The following AASDH variants were observed in gnomAD, a reference collection of about 807,000 sequenced individuals.
AASDH encodes beta-alanine-activating enzyme.
AASDH carries 81 observed loss-of-function variants against 102.3 expected under a neutral mutation model. That is an observed-to-expected ratio of 0.79 (90% CI 0.66 to 0.95). AASDH has a LOEUF of 0.95. Ranked by LOEUF, AASDH falls within the 40% of genes least tolerant of loss-of-function variation. The pLI is 0.00. For synonymous variants in AASDH, 398 were observed against 454.0 expected (o/e 0.88, Z 1.57); for missense variants, 1,203 against 1,266.2 (o/e 0.95, Z 0.76).
At position 56,378,445 on chromosome 4, in the gene AASDH, T is replaced by C; in HGVS notation, c.371A>G (p.Glu124Gly). 6.3e-7 allele frequency: 1 copy of C among 1,597,110 alleles called. No individual in the cohort carries two copies. The highest frequency in any genetic ancestry group is 8.5e-7 in the Non-Finnish European group (1 of 1,174,242). ...KQINKFKSFHETLLNYDTFTV... is the reference protein window; with the variant it reads ...KQINKFKSFHGTLLNYDTFTV... ...AAATGTATCATAGTTCAATAATGTTTCATGAAAAGATTTAAATTTCTGTGT... is the reference window on the plus strand; with the variant it reads ...AAATGTATCATAGTTCAATAATGTTCCATGAAAAGATTTAAATTTCTGTGT... Residue 124 changes from glutamate to glycine, a missense_variant, in exon 4 of 15, where the codon GAA (glutamate) becomes GGA (glycine). By Grantham distance (98) the Glu-to-Gly change is moderately conservative. Transcript: ENST00000205214.
rs142287894 is a variant in AASDH, at chr4:56,378,283, T to C, written c.533A>G (p.Glu178Gly). Reference sequence around the variant, plus strand: ...CAGATCCATGTGTTCTTCTGCTTTTTCTTCATTGACATGCTCAGAACTTAT... The same window carrying C: ...CAGATCCATGTGTTCTTCTGCTTTTCCTTCATTGACATGCTCAGAACTTAT... ...KSISSEHVNE[E>G]KAEEHMDLRL... is the part of the protein sequence containing the mutation. Residue 178 changes from glutamate to glycine, a missense_variant, in exon 4 of 15, where the codon GAA becomes GGA. Glu to Gly is a moderately conservative substitution (Grantham distance 98). Transcript: ENST00000205214. The C allele has an allele frequency of 3.5e-4, 560 of 1,614,240 alleles. 3 individuals are homozygous for C. The African/African-American group carries it at 6.0e-3, about 17-fold the overall frequency.
At chr4:56,341,894 T>C (rs1243545201) in intron 14 of AASDH, among the ~76,000 whole-genome samples, 2 of 151,494 alleles carry the variant, frequency 1.3e-5, no homozygotes, top group Admixed American at 6.6e-5. Flanking sequence ...GGTGGATCAC[T>C]TGAGGTCAGG....
chr4:56,363,058 G>A (rs193264887), intron 5 of AASDH, among the ~76,000 whole-genome samples: 412 of 152,302 alleles, frequency 2.7e-3, no homozygotes, highest in Non-Finnish European at 4.3e-3. Flanking sequence ...CTTAACAAAC[G>A]GCACACCAGG....
intron 13 of AASDH, 91 bp from the exon 14 acceptor site, chr4:56,343,057 A>G: frequency 7.9e-7 from 1 of 1,270,178 alleles, no homozygotes; most frequent in Non-Finnish European, 1.0e-6. Flanking sequence ...TCCTAGGGTT[A>G]GAACTAAAAT....
chr4:56,356,504 CA>C, intron 5 of AASDH: 1 of 1,196,812 alleles, frequency 8.4e-7, no homozygotes, highest in East Asian at 2.4e-5. Context: ...AAGCTGCTGG[CA>C]AAGGGGATGT....
At position 56,355,303 on chromosome 4, in the gene AASDH, G is replaced by A. The variant is rs781711791; in HGVS notation, c.982C>T (p.Leu328Phe). ...TTGCCTTCTCCTCTCCAGCTTCTGAGAACTGTCAATGATGGAAACGCTTCA... is the reference window on the plus strand; with the variant it reads ...TTGCCTTCTCCTCTCCAGCTTCTGAAAACTGTCAATGATGGAAACGCTTCA... ...GGEAFPSLTV[L>F]RSWRGEGNKT... The change falls in exon 6 of 15, where the codon CTC becomes TTC. Residue 328 changes from leucine (L) to phenylalanine (F), a missense_variant. Leu to Phe is a conservative substitution (Grantham distance 22, BLOSUM62 0). Coordinates refer to ENST00000205214, the MANE Select transcript of AASDH (RefSeq NM_181806.4). 1.1e-5 allele frequency: 17 copies of A among 1,614,004 alleles called. No homozygotes were observed. Among genetic ancestry groups the A allele is most frequent in the Non-Finnish European group, 1.4e-5 (17 of 1,180,024 alleles).
rs1360057021 is a variant in AASDH at position 56,382,600 on chromosome 4, A to G, written c.231-3T>C. 10 of 1,606,548 alleles carry G rather than the reference A, an allele frequency of 6.2e-6. No individual in the cohort carries two copies. Among genetic ancestry groups the G allele is most frequent in the Middle Eastern group, 1.7e-4 (1 of 6,042 alleles). On this transcript the variant is annotated splice_region_variant and splice_polypyrimidine_tract_variant and intron_variant, in intron 2 of 14. Coordinates refer to ENST00000205214, the MANE Select transcript of AASDH (RefSeq NM_181806.4). ...AAGCAGCCGGGACTTGGAGAATTCT[A>G]AAGAAAAAAGTACACAGTCAGCATA...
At chr4:56,368,037 C>A (rs1174208342) in intron 5 of AASDH, among the ~76,000 whole-genome samples, 2 of 152,134 alleles carry the variant, frequency 1.3e-5, no homozygotes, top group African/African-American at 2.4e-5. Context: ...AAACAAAAAA[C>A]CCCATCAACA....
intron 3 of AASDH, among the ~76,000 whole-genome samples, chr4:56,381,090 G>C (rs1381206707): frequency 6.6e-6 from 1 of 152,136 alleles, no homozygotes; most frequent in Non-Finnish European, 1.5e-5. Flanking sequence ...TGGTCATAAA[G>C]AATACCTTGA....
In AASDH at chr4:56,349,382, T is replaced by C. The variant is rs988313841; in HGVS notation, c.2369A>G (p.His790Arg). 5.0e-6 allele frequency: 8 copies of C among 1,614,160 alleles called. No individual in the cohort carries two copies. The highest frequency in any genetic ancestry group is 6.8e-6 in the Non-Finnish European group (8 of 1,180,006). Residue 790 changes from histidine (H) to arginine (R), a missense_variant, in exon 11 of 15, where the codon CAT (histidine) becomes CGT (arginine). Coordinates refer to ENST00000205214, the MANE Select transcript of AASDH (RefSeq NM_181806.4). ...KSSTTVYIGS[H>R]SHRMKAVDFY... ...GTCAACTGCCTTCATTCTATGAGAA[T>C]GGGAACCAATGTACACAGTTGTAGA...
In AASDH at chr4:56,384,290, GA is replaced by G. The variant is rs1753303614; in HGVS notation, c.9del (p.Gln4ArgfsTer15). 1.9e-6 allele frequency: 3 copies of G among 1,613,922 alleles called. No homozygotes were observed. The highest frequency in any genetic ancestry group is 2.5e-6 in the Non-Finnish European group (3 of 1,179,914). On this transcript the variant is annotated frameshift_variant, in exon 2 of 15. Transcript: ENST00000205214. LOFTEE classifies it high-confidence loss of function. MT[L>X]QELVHKAASC... ...GAGGCAGCCTTATGCACCAATTCCT[GA>G]AGAGTCATTTCACTGAAGTTTATCT...
chr4:56,382,840 C>A (rs896217783), intron 2 of AASDH, among the ~76,000 whole-genome samples: 14 of 152,234 alleles, frequency 9.2e-5, no homozygotes, highest in Admixed American at 6.5e-4. Flanking sequence ...GAGGTTGAGG[C>A]GAGCGAATCA....
Position 56,349,669 on chromosome 4 carries a change from C to A in AASDH, c.2082G>T (p.Arg694Ser). Residue 694 changes from arginine to serine, a missense_variant, in exon 11 of 15, where the codon AGG becomes AGT. Arg to Ser is a moderately radical substitution (Grantham distance 110). Coordinates refer to ENST00000205214, the MANE Select transcript of AASDH (RefSeq NM_181806.4). ...GSQILSLNSTRFLTKLGHCSS... is the reference protein window; with the variant it reads ...GSQILSLNSTSFLTKLGHCSS... ...AGCAATGTCCTAACTTTGTTAAAAA[C>A]CTAGTGGAATTCAGAGACAAAATTT... The A allele has an allele frequency of 6.2e-7, 1 of 1,614,148 alleles. No homozygotes were observed.
intron 1 of AASDH, among the ~76,000 whole-genome samples, chr4:56,386,901 G>C (rs1753631193): frequency 6.6e-6 from 1 of 151,414 alleles, no homozygotes; most frequent in South Asian, 2.1e-4. Flanking sequence ...TGTAGAAGCT[G>C]CTATTTAGTC....
At chr4:56,370,346 ACT>A (rs2109966906) in intron 5 of AASDH, among the ~76,000 whole-genome samples, 1 of 151,970 alleles carries the variant, frequency 6.6e-6, no homozygotes, top group South Asian at 2.1e-4. Context: ...ACACAGCAAG[ACT>A]CTGTCAAAAG....
chr4:56,368,482 A>G (rs1751294325), intron 5 of AASDH, among the ~76,000 whole-genome samples: 2 of 151,986 alleles, frequency 1.3e-5, no homozygotes, highest in African/African-American at 4.8e-5. Flanking sequence ...ATGTCCAACA[A>G]TGATAGACTG....
intron 4 of AASDH, among the ~76,000 whole-genome samples, chr4:56,376,237 GC>G (rs1752326305): frequency 1.3e-5 from 2 of 151,776 alleles, no homozygotes. Flanking sequence ...TGTTACCCAG[GC>G]TGGTTTTGAA....
chr4:56,352,650 C>T (rs1468434307), intron 9 of AASDH, among the ~76,000 whole-genome samples: 2 of 152,234 alleles, frequency 1.3e-5, no homozygotes, highest in Non-Finnish European at 2.9e-5. Flanking sequence ...CCTGCCTTGG[C>T]ATCCCAAAGT....
intron 13 of AASDH, among the ~76,000 whole-genome samples, chr4:56,343,295 C>T (rs143721834): frequency 0.031 from 4,771 of 151,904 alleles, 121 homozygotes; most frequent in Middle Eastern, 0.058. Context: ...GCTGAGATTG[C>T]GCCACTGCAC....
Sources: gnomAD v4.1 joint callset for allele counts (sites outside exome capture counted in the v4.1 genomes callset) on GRCh38, gnomAD v4.1.1 for gene constraint, MANE v1.5 for transcripts, NCBI Gene and HGNC (gene_info 2026-07-23, HGNC 2026-07-21) for gene names.